Variants in ACSM3 observed in about 807,000 individuals in gnomAD.
ACSM3 encodes acyl-CoA synthetase medium chain family member 3.
In ACSM3, 61 loss-of-function variants were observed where a neutral mutation model predicts 74.1. The observed-to-expected ratio is 0.82, with a 90% confidence interval of 0.67 to 1.02. The LOEUF (loss-of-function observed/expected upper bound fraction) is 1.02, where lower values mean the gene tolerates loss of function less well. Ranked by LOEUF, ACSM3 falls within the 50% of genes least tolerant of loss-of-function variation. The pLI is 0.00. For missense variants in ACSM3, 660 were observed against 697.0 expected (o/e 0.95, Z 0.60); for synonymous variants, 213 against 241.5 (o/e 0.88, Z 1.09).
At position 20,771,371 on chromosome 16, in the gene ACSM3, C is replaced by CTTT. The variant is rs57406215; in HGVS notation, c.219+1142_219+1144dup. ...CCACCCACCACGCCAGGCCGAGCTC[C>CTTT]TTTTTTTTTTTTTTTTTTTTTTTTT... On this transcript the variant is annotated intron_variant, in intron 2 of 13. Transcript: ENST00000289416. Among the ~76,000 whole-genome samples the CTTT allele has an allele frequency of 3.4e-4, 29 of 85,266 alleles. 1 individual carries two copies. The highest frequency in any genetic ancestry group is 5.4e-4 in the African/African-American group (12 of 22,034). The allele number at this position is 85,266 out of a possible 152,430, so 55.9% of individuals were successfully genotyped here. A position where few individuals can be genotyped will look rare whatever the true frequency, so the allele number is the denominator to read the frequency against.
At position 20,696,255 on chromosome 16, in the gene ACSM3, C is replaced by G. The variant is rs370539804; in HGVS notation, c.-190+21433C>G. ...CTTGGTTGTTAAGTGATGCATGTCT[C>G]TATCTCTATCACTATCTCTGTCTCT... On this transcript the variant is annotated intron_variant, in intron 1 of 3. Transcript: ENST00000561584. Among the ~76,000 whole-genome samples, 64 of 152,358 alleles carry G rather than the reference C, an allele frequency of 4.2e-4. No homozygotes were observed. In the East Asian group the frequency reaches 0.011, roughly 26 times the overall value.
intron 2 of ACSM3, among the ~76,000 whole-genome samples, chr16:20,751,690 T>C (rs992124697): frequency 6.6e-6 from 1 of 152,208 alleles, no homozygotes; most frequent in African/African-American, 2.4e-5. Context: ...AGCCAGGGTC[T>C]CTTGGGAAGA....
rs1439306386 is a variant in ACSM3 at position 20,796,476 on chromosome 16, A to G, written c.1661A>G (p.Lys554Arg). ...GTTAAAAAAACTACAGCACCTTACA[A>G]ATATCCCAGAAAGGTAGGCATCCTA... is the stretch of plus-strand genomic sequence containing the variant. The part of the protein sequence containing the change: ...EHVKKTTAPY[K>R]YPRKVEFIQE... The change falls in exon 13 of 14, where the codon AAA (lysine) becomes AGA (arginine). Residue 554 changes from lysine to arginine, a missense_variant. By Grantham distance (26) the Lys-to-Arg change is conservative. Transcript: ENST00000289416. 6.2e-7 allele frequency: 1 copy of G among 1,612,818 alleles called. No homozygotes were observed. Among genetic ancestry groups the G allele is most frequent in the Admixed American group, 1.7e-5 (1 of 59,658 alleles).
chr16:20,720,787 T>C (rs953684747), intron 1 of ACSM3, among the ~76,000 whole-genome samples: 3 of 152,232 alleles, frequency 2.0e-5, no homozygotes, highest in Admixed American at 6.5e-5. Context: ...TATAAAAACC[T>C]TTATAGATGT....
chr16:20,724,988 A>C (rs2079799608), intron 1 of ACSM3, among the ~76,000 whole-genome samples: 1 of 152,244 alleles, frequency 6.6e-6, no homozygotes, highest in South Asian at 2.1e-4. Flanking sequence ...TGCCATCCCC[A>C]TCAAGCTACC....
chr16:20,785,121 C>T lies in ACSM3; in HGVS notation c.1143+14C>T. 1 of 1,612,256 alleles carries T rather than the reference C, an allele frequency of 6.2e-7. No individual in the cohort carries two copies. The highest frequency in any genetic ancestry group is 8.5e-7 in the Non-Finnish European group (1 of 1,179,022). On this transcript the variant is annotated intron_variant, in intron 8 of 13. Coordinates refer to ENST00000289416, the MANE Select transcript of ACSM3 (RefSeq NM_005622.4). The stretch of plus-strand genomic sequence containing the variant: ...CAGACTGAAACGGTACCTGACCTCA[C>T]TGAAAAGACATAGCTGGATTCCATT...
At chr16:20,710,593 T>C (rs2079740956) in intron 1 of ACSM3, among the ~76,000 whole-genome samples, 1 of 152,088 alleles carries the variant, frequency 6.6e-6, no homozygotes, top group Non-Finnish European at 1.5e-5. Flanking sequence ...GACCCTCCCA[T>C]CTTGGCCTCC....
intron 7 of ACSM3, 105 bp downstream of exon 7, chr16:20,781,892 C>T: frequency 1.2e-6 from 1 of 805,878 alleles, no homozygotes; most frequent in Non-Finnish European, 2.0e-6. Flanking sequence ...CCAGTAGACA[C>T]AGGATTTAGC....
chr16:20,720,297 C>A (rs1420349334), intron 1 of ACSM3, among the ~76,000 whole-genome samples: 1 of 152,196 alleles, frequency 6.6e-6, no homozygotes. Flanking sequence ...TGTTTTCCTG[C>A]AACTAGACAG....
intron 2 of ACSM3, among the ~76,000 whole-genome samples, 193 bp from the exon 3 acceptor site, chr16:20,775,646 G>A (rs1280801803): frequency 6.6e-6 from 1 of 152,176 alleles, no homozygotes; most frequent in Non-Finnish European, 1.5e-5. Context: ...ACTTCTGGTA[G>A]GAGGTGAGTA....
At chr16:20,752,077 C>G (rs566328434) in intron 2 of ACSM3, among the ~76,000 whole-genome samples, 1 of 152,110 alleles carries the variant, frequency 6.6e-6, no homozygotes, top group Non-Finnish European at 1.5e-5. Flanking sequence ...AGAAAACATT[C>G]AACAAGTGAG....
At chr16:20,706,791 T>G (rs2079729441) in intron 1 of ACSM3, among the ~76,000 whole-genome samples, 1 of 152,042 alleles carries the variant, frequency 6.6e-6, no homozygotes, top group Admixed American at 6.6e-5. Flanking sequence ...GAAACAACCA[T>G]CTAACTCAAC....
intron 1 of ACSM3, among the ~76,000 whole-genome samples, chr16:20,744,362 G>A (rs2079949297): frequency 6.6e-6 from 1 of 152,162 alleles, no homozygotes; most frequent in African/African-American, 2.4e-5. Flanking sequence ...CCACTCACAG[G>A]TGGCTGATTG....
intron 1 of ACSM3, chr16:20,690,970 A>G: frequency 6.3e-7 from 1 of 1,595,522 alleles, no homozygotes. Flanking sequence ...CCTTGTTCTT[A>G]TATCGCCATC....
intron 1 of ACSM3, among the ~76,000 whole-genome samples, chr16:20,696,422 C>T (rs926439643): frequency 1.3e-5 from 2 of 152,194 alleles, no homozygotes; most frequent in African/African-American, 4.8e-5. Flanking sequence ...AGATTCTTCC[C>T]TTCTTTGTCA....
intron 2 of ACSM3, among the ~76,000 whole-genome samples, chr16:20,750,517 A>G (rs1462911744): frequency 6.6e-6 from 1 of 152,198 alleles, no homozygotes; most frequent in East Asian, 1.9e-4. Context: ...AGAGGATCCA[A>G]CCAGGACTCA....
chr16:20,709,096 G>A (rs1025030694), intron 1 of ACSM3, among the ~76,000 whole-genome samples: 14 of 152,126 alleles, frequency 9.2e-5, no homozygotes, highest in African/African-American at 3.4e-4. Flanking sequence ...AAACCTGCAC[G>A]TTGTGCACAT....
intron 9 of ACSM3, chr16:20,789,678 A>C: frequency 2.0e-6 from 1 of 492,556 alleles, no homozygotes; most frequent in South Asian, 3.3e-5. Flanking sequence ...AAGCAACTCT[A>C]TTTTTCTTTT....
intron 1 of ACSM3, among the ~76,000 whole-genome samples, chr16:20,742,900 A>G (rs1317300272): frequency 6.7e-6 from 1 of 148,400 alleles, no homozygotes; most frequent in African/African-American, 2.5e-5. Context: ...TTTACGTGGG[A>G]TAAAGGTTGT....
Sources: gnomAD v4.1 joint callset for allele counts (sites outside exome capture counted in the v4.1 genomes callset) on GRCh38, gnomAD v4.1.1 for gene constraint, MANE v1.5 for transcripts, NCBI Gene and HGNC (gene_info 2026-07-23, HGNC 2026-07-21) for gene names.